Variants in NGLY1 observed in about 807,000 individuals in gnomAD.
The protein encoded by NGLY1 is peptide-N(4)-(N-acetyl-beta-glucosaminyl)asparagine amidase.
A neutral mutation model predicts 84.6 loss-of-function variants in NGLY1; 68 were observed. The ratio of observed to expected loss-of-function variants is 0.80; its 90% confidence interval spans 0.66 to 0.98. The LOEUF (loss-of-function observed/expected upper bound fraction) is 0.98. Ranked by LOEUF, NGLY1 falls within the 50% of genes least tolerant of loss-of-function variation. NGLY1 has a pLI of 0.00. For missense variants in NGLY1, 779 were observed against 770.2 expected, an observed-to-expected ratio of 1.01 and a Z score of -0.14; for synonymous variants, 280 against 275.2, an observed-to-expected ratio of 1.02 and a Z score of -0.17.
chr3:25,775,037 G>A (rs1214812582), intron 2 of NGLY1, among the ~76,000 whole-genome samples: 1 of 152,154 alleles, frequency 6.6e-6, no homozygotes, highest in Non-Finnish European at 1.5e-5. Context: ...TCTAGGTAAG[G>A]TTAAACCCTT....
intron 9 of NGLY1, among the ~76,000 whole-genome samples, chr3:25,731,738 C>T (rs906266972): frequency 6.6e-6 from 1 of 152,068 alleles, no homozygotes; most frequent in Non-Finnish European, 1.5e-5. Flanking sequence ...ATAAATTATA[C>T]AGCAATGAGA....
intron 4 of NGLY1, among the ~76,000 whole-genome samples, chr3:25,744,675 TC>T (rs1575627523): frequency 6.6e-6 from 1 of 152,182 alleles, no homozygotes; most frequent in African/African-American, 2.4e-5. Flanking sequence ...GATCCCAACT[TC>T]CCTTGCGGCT....
intron 10 of NGLY1, among the ~76,000 whole-genome samples, chr3:25,721,476 G>A (rs1704984036): frequency 6.6e-6 from 1 of 152,016 alleles, no homozygotes; most frequent in Admixed American, 6.6e-5. Flanking sequence ...CAATTAGGCT[G>A]GGCACGGTGG....
Position 25,751,202 on chromosome 3 carries a change from T to A in NGLY1, c.554A>T (p.Tyr185Phe). The A allele has an allele frequency of 1.2e-6, 2 of 1,613,544 alleles. No homozygotes were observed. The highest frequency in any genetic ancestry group is 1.7e-6 in the Non-Finnish European group (2 of 1,179,802). Residue 185 changes from tyrosine to phenylalanine, a missense_variant, in exon 4 of 12, where the codon TAT becomes TTT. By Grantham distance (22) the Tyr-to-Phe change is conservative (BLOSUM62 3). Coordinates refer to ENST00000280700, the MANE Select transcript of NGLY1 (RefSeq NM_018297.4). ...TTTCTCCTGAAGAGCAGGATTTTCA[T>A]AGACCAGCACATGCTGAATGTTGGA... Reference protein sequence around the residue: ...LQSNIQHVLVYENPALQEKAL... With the variant: ...LQSNIQHVLVFENPALQEKAL...
At chr3:25,743,526 G>A (rs990106670) in intron 4 of NGLY1, among the ~76,000 whole-genome samples, 7 of 152,080 alleles carry the variant, frequency 4.6e-5, no homozygotes, top group Admixed American at 6.6e-5. Context: ...CTTACTAGTC[G>A]TCACTCACTC....
At chr3:25,774,758 C>T (rs893107933) in intron 2 of NGLY1, among the ~76,000 whole-genome samples, 6 of 152,092 alleles carry the variant, frequency 3.9e-5, no homozygotes, top group South Asian at 2.1e-4. Context: ...CACCCCTCTC[C>T]GTCTGCCTTG....
chr3:25,773,789 T>G (rs1708015417), intron 2 of NGLY1, among the ~76,000 whole-genome samples: 1 of 152,200 alleles, frequency 6.6e-6, no homozygotes, highest in Non-Finnish European at 1.5e-5. Context: ...GCTGTTCAGA[T>G]TCTTTGGCCC....
At chr3:25,777,203 C>G (rs1442592623) in intron 2 of NGLY1, among the ~76,000 whole-genome samples, 2 of 152,168 alleles carry the variant, frequency 1.3e-5, no homozygotes, top group African/African-American at 4.8e-5. Context: ...CGAGACCAAC[C>G]TGACCAACAT....
At chr3:25,782,111 G>A (rs1173083533) in intron 1 of NGLY1, among the ~76,000 whole-genome samples, 1 of 152,096 alleles carries the variant, frequency 6.6e-6, no homozygotes, top group Admixed American at 6.5e-5. Flanking sequence ...ATCTTTCATA[G>A]CATCTGCCAC....
chr3:25,773,803 G>T (rs1708016678), intron 2 of NGLY1, among the ~76,000 whole-genome samples: 1 of 152,192 alleles, frequency 6.6e-6, no homozygotes, highest in Non-Finnish European at 1.5e-5. Context: ...TTGGCCCCAT[G>T]GGGTGCTCCC....
chr3:25,723,443 A>C (rs1415699971), intron 10 of NGLY1, among the ~76,000 whole-genome samples: 1 of 152,186 alleles, frequency 6.6e-6, no homozygotes, highest in Non-Finnish European at 1.5e-5. Flanking sequence ...AATTCCTATC[A>C]TCTTTTTTTG....
At chr3:25,780,477 T>G (rs1482777418) in intron 1 of NGLY1, among the ~76,000 whole-genome samples, 5 of 152,218 alleles carry the variant, frequency 3.3e-5, no homozygotes, top group Admixed American at 3.3e-4. Context: ...GGTTCAAAAC[T>G]GCTTGAGCTA....
At chr3:25,751,972 T>C (rs550797019) in intron 3 of NGLY1, among the ~76,000 whole-genome samples, 41 of 152,286 alleles carry the variant, frequency 2.7e-4, no homozygotes, top group African/African-American at 9.9e-4. Context: ...CACATCCCAC[T>C]GTGCAACATG....
At chr3:25,754,811 G>A (rs1252199562) in intron 3 of NGLY1, 21 of 283,406 alleles carry the variant, frequency 7.4e-5, no homozygotes, top group South Asian at 2.7e-4. Flanking sequence ...TTTTTGATAC[G>A]AGCAACTGGG....
chr3:25,785,680 A>T (rs1371579185), upstream of NGLY1, among the ~76,000 whole-genome samples: 4 of 146,658 alleles, frequency 2.7e-5, no homozygotes, highest in African/African-American at 7.5e-5. Flanking sequence ...CAAAAAAAAA[A>T]CAAAAACAAA....
In NGLY1 at chr3:25,729,210, G is replaced by T; in HGVS notation, c.1534C>A (p.Gln512Lys). Residue 512 changes from glutamine to lysine, a missense_variant, in exon 10 of 12, where the codon CAA (glutamine) becomes AAA (lysine). Transcript: ENST00000280700. ...CCATTCTCCCATCCAGAAATGGTTT[G>T]ATTGTTATTTGAAACTCGAACATAA... ...DRYVRVSNNNQTISGWENGVW... is the reference protein window; with the variant it reads ...DRYVRVSNNNKTISGWENGVW... 6.4e-7 allele frequency: 1 copy of T among 1,568,192 alleles called. No individual in the cohort carries two copies. The highest frequency in any genetic ancestry group is 8.7e-7 in the Non-Finnish European group (1 of 1,153,720).
chr3:25,736,692 C>A (rs1181974594), intron 6 of NGLY1: 1 of 257,232 alleles, frequency 3.9e-6, no homozygotes, highest in Non-Finnish European at 7.4e-6. Context: ...AGGGACAACA[C>A]AAATATCACA....
chr3:25,752,947 GAACA>G (rs751450468), intron 3 of NGLY1, among the ~76,000 whole-genome samples: 4 of 151,850 alleles, frequency 2.6e-5, no homozygotes, highest in African/African-American at 7.3e-5. Context: ...AGGATAAAAA[GAACA>G]AACAGACATT....
intron 1 of NGLY1, among the ~76,000 whole-genome samples, chr3:25,778,925 CTTTTTTTTTT>C (rs565447910): frequency 3.7e-5 from 2 of 54,662 alleles, no homozygotes; most frequent in African/African-American, 1.2e-4. Flanking sequence ...AAGATACATT[CTTTTTTTTTT>C]TTTTTTTTTT....
Sources: gnomAD v4.1 joint callset for allele counts (sites outside exome capture counted in the v4.1 genomes callset) on GRCh38, gnomAD v4.1.1 for gene constraint, MANE v1.5 for transcripts, NCBI Gene and HGNC (gene_info 2026-07-23, HGNC 2026-07-21) for gene names.